Variants in CACNA2D3 observed in about 807,000 individuals in gnomAD.
The protein encoded by CACNA2D3 is calcium voltage-gated channel auxiliary subunit alpha2delta 3, also known as voltage-dependent calcium channel subunit alpha-2/delta-3.
A neutral mutation model predicts 160.6 loss-of-function variants in CACNA2D3; 60 were observed. That is an observed-to-expected ratio of 0.37 (90% CI 0.30 to 0.46). The LOEUF is 0.46. CACNA2D3 is among the 20% of genes least tolerant of loss of function. The pLI, the probability that CACNA2D3 is intolerant of heterozygous loss-of-function variation, is 1.00. For synonymous variants in CACNA2D3, 558 were observed against 492.9 expected (o/e 1.13, Z -1.75); for missense variants, 1,205 against 1,365.0 (o/e 0.88, Z 1.85).
rs201027981 is a variant in CACNA2D3 at position 54,441,102 on chromosome 3, A to C, written c.381+54328A>C. 6.1e-4 allele frequency among the ~76,000 whole-genome samples: 93 copies of C among 152,294 alleles called. No individual in the cohort carries two copies. The East Asian group carries it at 0.016, about 26-fold the overall frequency. ...GGTTGAACTAGTTTACAGTCCCACC[A>C]ACAGTGTAAAAGTGTTCCTATTTCT... On this transcript the variant is annotated intron_variant, in intron 4 of 37. Transcript: ENST00000474759.
At chr3:54,281,035 A>T (rs895810862) in intron 2 of CACNA2D3, among the ~76,000 whole-genome samples, 4 of 152,152 alleles carry the variant, frequency 2.6e-5, no homozygotes, top group African/African-American at 9.7e-5. Context: ...TCCACCCTAG[A>T]GGCTGGCACA....
At chr3:54,439,785 C>T (rs1700115042) in intron 4 of CACNA2D3, among the ~76,000 whole-genome samples, 1 of 152,158 alleles carries the variant, frequency 6.6e-6, no homozygotes. Context: ...ACTGAGTCCT[C>T]CTCACACATC....
intron 2 of CACNA2D3, among the ~76,000 whole-genome samples, chr3:54,313,095 G>A (rs1703777511): frequency 6.6e-6 from 1 of 152,102 alleles, no homozygotes; most frequent in African/African-American, 2.4e-5. Context: ...TGCAGGCACT[G>A]TGCTGAGGGC....
intron 2 of CACNA2D3, among the ~76,000 whole-genome samples, chr3:54,150,088 C>T (rs1233914720): frequency 2.0e-5 from 3 of 151,224 alleles, no homozygotes; most frequent in African/African-American, 4.9e-5. Flanking sequence ...CAGATTTGAC[C>T]TTCTCTGGGG....
At chr3:54,526,068 G>T (rs1014212105) in intron 5 of CACNA2D3, among the ~76,000 whole-genome samples, 1 of 151,486 alleles carries the variant, frequency 6.6e-6, no homozygotes, top group Non-Finnish European at 1.5e-5. Context: ...CTTCAAGTTT[G>T]TTAATTCTTC....
At chr3:54,703,055 C>T (rs115315999) in intron 11 of CACNA2D3, among the ~76,000 whole-genome samples, 22,067 of 151,918 alleles carry the variant, frequency 0.15, 2,111 homozygotes, top group Non-Finnish European at 0.21. Flanking sequence ...AAGAGGGGAA[C>T]GATAGACACC....
intron 9 of CACNA2D3, among the ~76,000 whole-genome samples, chr3:54,607,207 C>T (rs867135108): frequency 2.0e-5 from 3 of 152,170 alleles, no homozygotes; most frequent in African/African-American, 4.8e-5. Context: ...TCTGTATCTC[C>T]AGTGGGCATG....
intron 2 of CACNA2D3, among the ~76,000 whole-genome samples, chr3:54,286,530 C>T (rs1225962605): frequency 6.6e-6 from 1 of 152,162 alleles, no homozygotes; most frequent in Non-Finnish European, 1.5e-5. Context: ...GGAGAACTTC[C>T]TCAATCTAGC....
At chr3:54,394,318 A>ATT (rs34291779) in intron 4 of CACNA2D3, among the ~76,000 whole-genome samples, 7 of 139,288 alleles carry the variant, frequency 5.0e-5, no homozygotes, top group South Asian at 2.3e-4. Context: ...GAGAGTGAAC[A>ATT]TTTTTTTTTT....
intron 4 of CACNA2D3, among the ~76,000 whole-genome samples, chr3:54,415,634 G>A (rs6445654): frequency 0.86 from 131,137 of 152,206 alleles, 56,541 homozygotes; most frequent in African/African-American, 0.88. Context: ...TTGATAATGT[G>A]TTAAGTACAG....
chr3:54,443,824 A>G (rs1241515174), intron 4 of CACNA2D3, among the ~76,000 whole-genome samples: 1 of 152,232 alleles, frequency 6.6e-6, no homozygotes, highest in African/African-American at 2.4e-5. Context: ...GTCATCGGTC[A>G]TAGATCAAAG....
chr3:54,350,976 T>TTG (rs1698545690), intron 3 of CACNA2D3, among the ~76,000 whole-genome samples: 1 of 45,156 alleles, frequency 2.2e-5, no homozygotes, highest in Non-Finnish European at 4.7e-5. Context: ...CTGTTTTTTT[T>TTG]TTTTTGTTTG....
chr3:54,575,697 G>T (rs1702569151), intron 8 of CACNA2D3, among the ~76,000 whole-genome samples: 1 of 152,134 alleles, frequency 6.6e-6, no homozygotes, highest in African/African-American at 2.4e-5. Context: ...CTAGAGCTGG[G>T]TCATGTATCG....
At chr3:54,181,378 A>T (rs534364401) in intron 2 of CACNA2D3, among the ~76,000 whole-genome samples, 1 of 152,344 alleles carries the variant, frequency 6.6e-6, no homozygotes, top group South Asian at 2.1e-4. Flanking sequence ...ACCTCTCATT[A>T]TGAACATTGG....
chr3:54,898,914 AT>A (rs1205207133), intron 26 of CACNA2D3, among the ~76,000 whole-genome samples: 3 of 152,170 alleles, frequency 2.0e-5, no homozygotes, highest in African/African-American at 7.2e-5. Context: ...GCTCTCTCTG[AT>A]TTTCTCTGCT....
At chr3:54,224,362 AT>A in intron 2 of CACNA2D3, among the ~76,000 whole-genome samples, 1 of 152,286 alleles carries the variant, frequency 6.6e-6, no homozygotes, top group Non-Finnish European at 1.5e-5. Context: ...CACTAACATC[AT>A]TGTTTATTAC....
chr3:54,351,220 G>A (rs1277353815), intron 3 of CACNA2D3, among the ~76,000 whole-genome samples: 1 of 151,872 alleles, frequency 6.6e-6, no homozygotes, highest in Non-Finnish European at 1.5e-5. Context: ...GACCTCGAGT[G>A]ATCTGCCTGC....
intron 10 of CACNA2D3, chr3:54,633,860 A>G (rs1459972572): frequency 6.6e-6 from 1 of 152,208 alleles, no homozygotes; most frequent in Non-Finnish European, 1.5e-5. Context: ...TCTGTGGAAG[A>G]ATGAAAGCTC....
intron 35 of CACNA2D3, among the ~76,000 whole-genome samples, chr3:55,021,900 A>C (rs1200498370): frequency 6.6e-6 from 1 of 151,920 alleles, no homozygotes; most frequent in Non-Finnish European, 1.5e-5. Flanking sequence ...CATCTATTTT[A>C]GTATCTGTGG....
Sources: gnomAD v4.1 joint callset for allele counts (sites outside exome capture counted in the v4.1 genomes callset) on GRCh38, gnomAD v4.1.1 for gene constraint, MANE v1.5 for transcripts, NCBI Gene and HGNC (gene_info 2026-07-23, HGNC 2026-07-21) for gene names.